CPD: variants seen among roughly 807,000 people sequenced by gnomAD.
The protein encoded by CPD is carboxypeptidase D, also known as metallocarboxypeptidase D.
CPD carries 69 observed loss-of-function variants against 138.3 expected under a neutral mutation model. The ratio of observed to expected loss-of-function variants is 0.50; its 90% CI spans 0.41 to 0.61. The LOEUF (loss-of-function observed/expected upper bound fraction) is 0.61. Ranked by LOEUF, CPD falls within the 20% of genes least tolerant of loss-of-function variation. The pLI, the probability that CPD is intolerant of heterozygous loss-of-function variation, is 0.00. For synonymous variants in CPD, 651 were observed against 642.1 expected, an observed-to-expected ratio of 1.01 and a Z score of -0.21; for missense variants, 1,432 against 1,733.3, an observed-to-expected ratio of 0.83 and a Z score of 3.09.
chr17:30,444,516 CT>C (rs34419729), intron 11 of CPD, among the ~76,000 whole-genome samples: 1,824 of 120,852 alleles, frequency 0.015, 10 homozygotes, highest in African/African-American at 0.051. Context: ...ATGCTAGTAA[CT>C]TTTTTTTTTT....
intron 8 of CPD, among the ~76,000 whole-genome samples, chr17:30,436,927 T>A (rs1174614316): frequency 6.6e-6 from 1 of 152,164 alleles, no homozygotes; most frequent in African/African-American, 2.4e-5. Flanking sequence ...AATCATACAG[T>A]GGAATATTAT....
chr17:30,451,731 TG>T lies in CPD; in HGVS notation c.3091del (p.Val1031Ter). 1.2e-6 allele frequency: 2 copies of T among 1,614,030 alleles called. No homozygotes were observed. The highest frequency in any genetic ancestry group is 1.7e-6 in the Non-Finnish European group (2 of 1,179,940). Reference protein sequence around the residue: ...VTQLVDRTRIVIVPSLNPDGR... With the variant: ...VTQLVDRTRIXIVPSLNPDGR... ...TTCAGTTGGTTGACAGGACTAGGAT[TG>T]TGATTGTCCCTTCTCTAAATCCAGA... is the stretch of plus-strand genomic sequence containing the variant. On this transcript the variant is annotated frameshift_variant, in exon 14 of 21. Transcript: ENST00000225719. LOFTEE classifies it high-confidence loss of function.
chr17:30,406,945 CT>C (rs1911816414), intron 2 of CPD, among the ~76,000 whole-genome samples: 1 of 152,094 alleles, frequency 6.6e-6, no homozygotes, highest in Admixed American at 6.6e-5. Flanking sequence ...GGTATTTCTC[CT>C]AATGCTATCC....
In CPD at chr17:30,467,483, A is replaced by G. The variant is rs1054410298; in HGVS notation, c.*2669A>G. 2.0e-5 allele frequency: 3 copies of G among 152,158 alleles called. No homozygotes were observed. Among genetic ancestry groups the G allele is most frequent in the African/African-American group, 4.8e-5 (2 of 41,444 alleles). The allele number at this position is 152,158 out of a possible 1,614,324, so 9.4% of individuals were successfully genotyped here. On this transcript the variant is annotated 3_prime_UTR_variant, in exon 21 of 21. Transcript: ENST00000225719. The stretch of plus-strand genomic sequence containing the variant: ...ACACTTGGGTAGTGAGTGGGATCCT[A>G]TCCAGTTGAGGAATGCTTGCAATGC...
At chr17:30,385,531 C>A (rs987666232) in intron 2 of CPD, among the ~76,000 whole-genome samples, 1 of 142,696 alleles carries the variant, frequency 7.0e-6, no homozygotes, top group Non-Finnish European at 1.6e-5. Flanking sequence ...CACACACACA[C>A]AATCACACAA....
chr17:30,412,463 C>G (rs138409639), intron 2 of CPD, among the ~76,000 whole-genome samples: 9 of 152,308 alleles, frequency 5.9e-5, no homozygotes, highest in Admixed American at 1.3e-4. Context: ...GCCTTTTTTT[C>G]AGCTATGCCC....
chr17:30,427,738 C>G (rs1340721959), intron 7 of CPD, among the ~76,000 whole-genome samples, 180 bp downstream of exon 7: 2 of 151,832 alleles, frequency 1.3e-5, no homozygotes, highest in African/African-American at 2.4e-5. Flanking sequence ...CTGGCTGTTT[C>G]TTTCCTCCTT....
chr17:30,445,076 G>A (rs79788891), intron 11 of CPD, among the ~76,000 whole-genome samples: 4,703 of 152,158 alleles, frequency 0.031, 118 homozygotes, highest in Non-Finnish European at 0.047. Context: ...TTTCCCACCC[G>A]TATACCCTGA....
At chr17:30,383,500 C>T (rs1911105109) in intron 1 of CPD, among the ~76,000 whole-genome samples, 1 of 152,184 alleles carries the variant, frequency 6.6e-6, no homozygotes. Flanking sequence ...GCCACTACAC[C>T]AAATGGCATT....
Position 30,461,909 on chromosome 17 carries a change from T to C in CPD, c.3663T>C (p.Asp1221=). 6.2e-7 allele frequency: 1 copy of C among 1,605,464 alleles called. No individual in the cohort carries two copies. The highest frequency in any genetic ancestry group is 8.5e-7 in the Non-Finnish European group (1 of 1,177,256). The change falls in exon 19 of 21, where the codon GAT becomes GAC. Residue 1221 remains aspartate, a synonymous_variant. Coordinates refer to ENST00000225719, the MANE Select transcript of CPD (RefSeq NM_001304.5). ...VHKGVHGFVK[D]KTGKPISKAV... ...AGGGAGTTCATGGATTTGTTAAAGA[T>C]AAGACTGGAAAGCCAATCTCTAAAG... is the stretch of plus-strand genomic sequence containing the variant.
At chr17:30,416,307 G>C (rs1456342264) in intron 2 of CPD, among the ~76,000 whole-genome samples, 15 of 152,180 alleles carry the variant, frequency 9.9e-5, no homozygotes, top group Non-Finnish European at 2.2e-4. Flanking sequence ...ACTCCAGCCT[G>C]GGCAACAAGA....
At chr17:30,408,872 C>T (rs1911879676) in intron 2 of CPD, among the ~76,000 whole-genome samples, 1 of 152,244 alleles carries the variant, frequency 6.6e-6, no homozygotes, top group South Asian at 2.1e-4. Flanking sequence ...GAGAGGGCAT[C>T]CTTGTGTTGT....
At chr17:30,382,755 C>A (rs1433858187) in intron 1 of CPD, among the ~76,000 whole-genome samples, 1 of 152,160 alleles carries the variant, frequency 6.6e-6, no homozygotes, top group Non-Finnish European at 1.5e-5. Flanking sequence ...TTTTACTTAA[C>A]ATGTGTAATT....
chr17:30,446,149 A>G (rs1913024390), intron 12 of CPD, 129 bp downstream of exon 12: 1 of 685,022 alleles, frequency 1.5e-6, no homozygotes, highest in Non-Finnish European at 2.4e-6. Context: ...GAGTTTACTT[A>G]TTTTGCAACA....
At chr17:30,382,755 CAT>C (rs1369840900) in intron 1 of CPD, among the ~76,000 whole-genome samples, 2 of 152,160 alleles carry the variant, frequency 1.3e-5, no homozygotes, top group Non-Finnish European at 2.9e-5. Flanking sequence ...TTTTACTTAA[CAT>C]GTGTAATTAA....
intron 2 of CPD, among the ~76,000 whole-genome samples, chr17:30,414,427 C>CA (rs1319132481): frequency 6.6e-6 from 1 of 151,738 alleles, no homozygotes; most frequent in East Asian, 1.9e-4. Flanking sequence ...TACAAAAATA[C>CA]AAAAAATTAG....
intron 2 of CPD, among the ~76,000 whole-genome samples, chr17:30,409,495 T>C (rs1309645965): frequency 2.0e-5 from 3 of 152,194 alleles, no homozygotes; most frequent in African/African-American, 7.2e-5. Context: ...TCCTGGACTT[T>C]ATTTGGTTGG....
intron 13 of CPD, chr17:30,450,097 C>T (rs1913128630): frequency 6.4e-6 from 1 of 155,166 alleles, no homozygotes; most frequent in South Asian, 2.0e-4. Context: ...TGCTCTATCA[C>T]CCAGGCTTGA....
chr17:30,397,737 CAAAAAAAAAA>C (rs71138885), intron 2 of CPD, among the ~76,000 whole-genome samples: 3 of 31,850 alleles, frequency 9.4e-5, no homozygotes, highest in Non-Finnish European at 2.0e-4. Flanking sequence ...ACTCCTGTCT[CAAAAAAAAAA>C]AAAAAAAAAA....
Sources: gnomAD v4.1 joint callset for allele counts (sites outside exome capture counted in the v4.1 genomes callset) on GRCh38, gnomAD v4.1.1 for gene constraint, MANE v1.5 for transcripts, NCBI Gene and HGNC (gene_info 2026-07-23, HGNC 2026-07-21) for gene names.